Variants in PRKCQ observed in about 807,000 individuals in gnomAD.
PRKCQ encodes the protein protein kinase C theta.
PRKCQ carries 41 observed loss-of-function variants against 91.2 expected under a neutral mutation model. The ratio of observed to expected loss-of-function variants is 0.45; its 90% CI spans 0.35 to 0.58. The LOEUF is 0.58. Among genes scored for constraint, PRKCQ ranks in the 20% least tolerant of loss-of-function variants. PRKCQ has a pLI of 0.00. For missense variants in PRKCQ, 673 were observed against 896.5 expected (o/e 0.75, Z 3.18); for synonymous variants, 307 against 316.9 (o/e 0.97, Z 0.33).
intron 4 of PRKCQ, among the ~76,000 whole-genome samples, chr10:6,501,146 T>C (rs902198307): frequency 7.1e-4 from 108 of 152,012 alleles, no homozygotes; most frequent in African/African-American, 2.4e-3. Flanking sequence ...TTGTGAGAAC[T>C]CATAATCTTG....
intron 1 of PRKCQ, among the ~76,000 whole-genome samples, chr10:6,541,112 A>C (rs1290569339): frequency 6.6e-6 from 1 of 152,236 alleles, no homozygotes; most frequent in African/African-American, 2.4e-5. Context: ...ACCATGAATG[A>C]ACTGACTTTT....
At chr10:6,533,665 G>A (rs1839474332) in intron 1 of PRKCQ, among the ~76,000 whole-genome samples, 1 of 152,144 alleles carries the variant, frequency 6.6e-6, no homozygotes, top group South Asian at 2.1e-4. Flanking sequence ...GAATAATGTG[G>A]TTCTGGCAGC....
chr10:6,469,278 G>A (rs1056347577), intron 12 of PRKCQ, among the ~76,000 whole-genome samples: 7 of 152,160 alleles, frequency 4.6e-5, no homozygotes, highest in Non-Finnish European at 8.8e-5. Context: ...AAGAAGGATC[G>A]TGACAAATTC....
intron 1 of PRKCQ, among the ~76,000 whole-genome samples, chr10:6,522,173 C>T (rs974333269): frequency 6.6e-6 from 1 of 152,096 alleles, no homozygotes. Flanking sequence ...AACTCCTGAC[C>T]TCAGGTGATC....
At chr10:6,471,043 G>T (rs993603410) in intron 12 of PRKCQ, among the ~76,000 whole-genome samples, 1 of 152,150 alleles carries the variant, frequency 6.6e-6, no homozygotes, top group Admixed American at 6.5e-5. Context: ...GTGGGAAGAG[G>T]GTTTGTCAAA....
At chr10:6,425,585 A>G (rs1373794279), downstream of PRKCQ, among the ~76,000 whole-genome samples, 1 of 152,150 alleles carries the variant, frequency 6.6e-6, no homozygotes, top group Admixed American at 6.6e-5. Context: ...GAAAGAATAG[A>G]AGGAAGTAAC....
intron 12 of PRKCQ, among the ~76,000 whole-genome samples, chr10:6,471,789 C>T (rs1418266144): frequency 2.0e-5 from 3 of 151,858 alleles, no homozygotes; most frequent in Non-Finnish European, 2.9e-5. Context: ...ACAACAACAA[C>T]AAAAAACAAA....
chr10:6,536,595 C>T (rs1839591300), intron 1 of PRKCQ, among the ~76,000 whole-genome samples: 1 of 152,192 alleles, frequency 6.6e-6, no homozygotes, highest in South Asian at 2.1e-4. Context: ...TCTTCTTCTT[C>T]CGCTCCCCTT....
intron 15 of PRKCQ, among the ~76,000 whole-genome samples, chr10:6,443,997 G>T (rs916714607): frequency 6.6e-6 from 1 of 152,110 alleles, no homozygotes; most frequent in Non-Finnish European, 1.5e-5. Context: ...TATTTAATGG[G>T]GACAGAGTTT....
At chr10:6,542,797 G>T (rs1839821067) in intron 1 of PRKCQ, among the ~76,000 whole-genome samples, 1 of 152,270 alleles carries the variant, frequency 6.6e-6, no homozygotes, top group Non-Finnish European at 1.5e-5. Context: ...AAGAACGAAG[G>T]TGATAAAAGC....
the PRKCQ span, among the ~76,000 whole-genome samples, chr10:6,408,058 T>G: frequency 2.1e-5 from 3 of 142,874 alleles, no homozygotes; most frequent in South Asian, 2.2e-4. Context: ...TTTTTTTTTT[T>G]TTTTTTTTTT....
intron 2 of PRKCQ, among the ~76,000 whole-genome samples, chr10:6,514,812 G>A (rs919251411): frequency 4.6e-5 from 7 of 152,142 alleles, no homozygotes; most frequent in African/African-American, 1.7e-4. Flanking sequence ...ATAGAGCACC[G>A]GTGGGCCATC....
chr10:6,549,128 A>G (rs538838246), intron 1 of PRKCQ, among the ~76,000 whole-genome samples: 61 of 152,324 alleles, frequency 4.0e-4, no homozygotes, highest in Admixed American at 3.8e-3. Context: ...AAACTTAAGA[A>G]GCAGTACATG....
chr10:6,486,629 G>A (rs559781869), intron 8 of PRKCQ, among the ~76,000 whole-genome samples: 12 of 152,318 alleles, frequency 7.9e-5, no homozygotes, highest in African/African-American at 2.4e-4. Flanking sequence ...CTGTAATACC[G>A]TTGGCCAATG....
At chr10:6,564,049 A>G (rs996101893) in intron 1 of PRKCQ, among the ~76,000 whole-genome samples, 9 of 152,160 alleles carry the variant, frequency 5.9e-5, no homozygotes, top group Admixed American at 1.3e-4. Flanking sequence ...GTAAAATGCA[A>G]GAGGCTTCTG....
At chr10:6,538,453 C>T (rs551318198) in intron 1 of PRKCQ, among the ~76,000 whole-genome samples, 1 of 152,344 alleles carries the variant, frequency 6.6e-6, no homozygotes, top group South Asian at 2.1e-4. Context: ...GGAAATGTCA[C>T]GACAAAAGCT....
intron 14 of PRKCQ, among the ~76,000 whole-genome samples, chr10:6,460,171 A>G (rs1251042954): frequency 2.0e-5 from 3 of 152,226 alleles, no homozygotes; most frequent in African/African-American, 4.8e-5. Context: ...CAAAAAATAA[A>G]CTCATTTTTT....
Position 6,562,842 on chromosome 10 carries a change from T to A in PRKCQ, c.-10+17369A>T, listed in dbSNP as rs79055064. On this transcript the variant is annotated intron_variant, in intron 1 of 17. Coordinates refer to ENST00000263125, the MANE Select transcript of PRKCQ (RefSeq NM_006257.5). ...TAATAGGATTAAATGGGTTAATGGA[T>A]GCAAAGTGATTAGAACAGTTACTAG... Among the ~76,000 whole-genome samples, 11 of 152,300 alleles carry A rather than the reference T, an allele frequency of 7.2e-5. No individual in the cohort carries two copies. In the East Asian group the frequency reaches 1.9e-3, roughly 27 times the overall value.
chr10:6,501,631 G>A (rs1837917780), intron 4 of PRKCQ, among the ~76,000 whole-genome samples: 1 of 151,992 alleles, frequency 6.6e-6, no homozygotes, highest in Non-Finnish European at 1.5e-5. Context: ...AGACCAGCCT[G>A]ACCAATATGG....
Sources: allele counts gnomAD v4.1 joint callset (sites outside exome capture counted in the v4.1 genomes callset), GRCh38; gene constraint gnomAD v4.1.1; transcripts MANE v1.5; gene names NCBI Gene and HGNC (gene_info 2026-07-23, HGNC 2026-07-21).